Variants in TMEM106B observed in about 807,000 individuals in gnomAD.
TMEM106B encodes the protein transmembrane protein 106B.
TMEM106B carries 15 observed loss-of-function variants against 31.1 expected under a neutral mutation model. That is an observed-to-expected ratio of 0.48 (90% CI 0.32 to 0.74). The LOEUF (loss-of-function observed/expected upper bound fraction) is 0.74, where lower values mean the gene tolerates loss of function less well. Among genes scored for constraint, TMEM106B ranks in the 30% least tolerant of loss-of-function variants. The pLI is 0.03. For synonymous variants in TMEM106B, 126 were observed against 112.5 expected (o/e 1.12, Z -0.76); for missense variants, 283 against 327.3 (o/e 0.86, Z 1.04).
In TMEM106B at chr7:12,237,808, T is replaced by C. The variant is rs1583225721; in HGVS notation, c.*5833T>C. 2 of 85,010 alleles carry C rather than the reference T, an allele frequency of 2.4e-5. No homozygotes were observed. Among genetic ancestry groups the C allele is most frequent in the East Asian group, 3.4e-4 (1 of 2,910 alleles). The allele number at this position is 85,010 out of a possible 1,614,324, so 5.3% of individuals were successfully genotyped here. Reference sequence around the variant, plus strand: ...CAACATGGCGAGACCCCATATAAAATATATACATACACACACACACACACA... The same window carrying C: ...CAACATGGCGAGACCCCATATAAAACATATACATACACACACACACACACA... On this transcript the variant is annotated 3_prime_UTR_variant, in exon 8 of 8. Coordinates refer to ENST00000396668, the MANE Select transcript of TMEM106B (RefSeq NM_001134232.2).
At chr7:12,229,949 G>A in intron 5 of TMEM106B, 130 bp downstream of exon 5, 3 of 1,036,380 alleles carry the variant, frequency 2.9e-6, no homozygotes, top group South Asian at 1.7e-5. Context: ...GGGTACAGTG[G>A]CTCATGCCTG....
At chr7:12,222,567 A>C (rs1781808523) in intron 3 of TMEM106B, among the ~76,000 whole-genome samples, 1 of 152,234 alleles carries the variant, frequency 6.6e-6, no homozygotes, top group Non-Finnish European at 1.5e-5. Context: ...TTCAGATTTT[A>C]TTATGATGAT....
chr7:12,222,006 CTTTA>C (rs1360722351), intron 3 of TMEM106B, among the ~76,000 whole-genome samples: 4 of 152,046 alleles, frequency 2.6e-5, no homozygotes, highest in African/African-American at 9.7e-5. Flanking sequence ...AACTTTGGGT[CTTTA>C]TTTCTTTACA....
Position 12,233,205 on chromosome 7 carries a change from T to C in TMEM106B, c.*1230T>C, listed in dbSNP as rs773437170. ...TATAGATTATTGACTTATTCAACTT[T>C]GCTGTTTTATATTTTCAGTATCATT... On this transcript the variant is annotated 3_prime_UTR_variant, in exon 8 of 8. Coordinates refer to ENST00000396668, the MANE Select transcript of TMEM106B (RefSeq NM_001134232.2). 1 of 151,064 alleles carries C rather than the reference T, an allele frequency of 6.6e-6. No homozygotes were observed. The highest frequency in any genetic ancestry group is 2.4e-5 in the African/African-American group (1 of 41,182). 9.4% of individuals were successfully genotyped at this position (151,064 alleles called of 1,614,324 possible). A position where few individuals can be genotyped will look rare whatever the true frequency, so the allele number is the denominator to read the frequency against.
In TMEM106B at chr7:12,242,351, G is replaced by A. The variant is rs1782249045; in HGVS notation, c.*10376G>A. 3.3e-5 allele frequency: 1 copy of A among 30,596 alleles called. No homozygotes were observed. The highest frequency in any genetic ancestry group is 4.7e-5 in the Non-Finnish European group (1 of 21,102). The allele number at this position is 30,596 out of a possible 1,614,324, so 1.9% of individuals were successfully genotyped here. On this transcript the variant is annotated 3_prime_UTR_variant, in exon 8 of 8. Transcript: ENST00000396668. ...TTGCGCCACTGCAGTCCGCAGTCCGGCCTGGGCGACAGAGCGAGACTCCGT... is the reference window on the plus strand; with the variant it reads ...TTGCGCCACTGCAGTCCGCAGTCCGACCTGGGCGACAGAGCGAGACTCCGT...
intron 1 of TMEM106B, among the ~76,000 whole-genome samples, chr7:12,212,197 AG>A (rs1344462880): frequency 3.3e-5 from 5 of 152,154 alleles, no homozygotes. Flanking sequence ...GAGCCACTTG[AG>A]TCTGCCTTTC....
In TMEM106B at chr7:12,231,883, C is replaced by T; in HGVS notation, c.733C>T (p.Gln245Ter). 2 of 1,611,730 alleles carry T rather than the reference C, an allele frequency of 1.2e-6. No individual in the cohort carries two copies. The highest frequency in any genetic ancestry group is 1.7e-6 in the Non-Finnish European group (2 of 1,178,386). ...CTTTGGCCACTCTGAACAGATATCCCAGGAGAGGTATCAGTATGTCGACTG... is the reference window on the plus strand; with the variant it reads ...CTTTGGCCACTCTGAACAGATATCCTAGGAGAGGTATCAGTATGTCGACTG... ...TYFGHSEQIS[Q>*]ERYQYVDCGR... is the part of the protein sequence containing the mutation. The change falls in exon 8 of 8, where the codon CAG becomes TAG. Residue 245 changes from glutamine to a stop codon, truncating the protein, a stop_gained. Transcript: ENST00000396668. LOFTEE classifies it high-confidence loss of function.
chr7:12,242,832 T>C lies in TMEM106B; in HGVS notation c.*10857T>C, dbSNP rs1189873242. The C allele has an allele frequency of 1.3e-5, 2 of 152,148 alleles. No individual in the cohort carries two copies. Among genetic ancestry groups the C allele is most frequent in the Admixed American group, 6.6e-5 (1 of 15,266 alleles). The allele number at this position is 152,148 out of a possible 1,614,324, so 9.4% of individuals were successfully genotyped here. On this transcript the variant is annotated 3_prime_UTR_variant, in exon 8 of 8. Coordinates refer to ENST00000396668, the MANE Select transcript of TMEM106B (RefSeq NM_001134232.2). Reference sequence around the variant, plus strand: ...GAATATTTTCAATACTTATGAACCATAGAATTCTGTATTCTTTTCATAACT... The same window carrying C: ...GAATATTTTCAATACTTATGAACCACAGAATTCTGTATTCTTTTCATAACT...
Position 12,237,331 on chromosome 7 carries a change from C to T in TMEM106B, c.*5356C>T, listed in dbSNP as rs146288585. 4.0e-5 allele frequency: 6 copies of T among 151,144 alleles called. No homozygotes were observed. In the East Asian group the frequency reaches 7.9e-4, roughly 20 times the overall value. The allele number at this position is 151,144 out of a possible 1,614,324, so 9.4% of individuals were successfully genotyped here. A position where few individuals can be genotyped will look rare whatever the true frequency, so the allele number is the denominator to read the frequency against. On this transcript the variant is annotated 3_prime_UTR_variant, in exon 8 of 8. Coordinates refer to ENST00000396668, the MANE Select transcript of TMEM106B (RefSeq NM_001134232.2). ...AGTGTAGATATTCAAAATCTTTTAC[C>T]TTTAATCCTTTTCATCCTTATAGTC...
rs1436825929 is a variant in TMEM106B at position 12,211,816 on chromosome 7, C to A, written c.-3+391C>A. On this transcript the variant is annotated intron_variant, in intron 1 of 7. Coordinates refer to ENST00000396668, the MANE Select transcript of TMEM106B (RefSeq NM_001134232.2). Reference sequence around the variant, plus strand: ...GGCGCTTGTTTCCTTAGTTCTCAAGCCCTTTTAGAACTAAAACCAGTGTCT... The same window carrying A: ...GGCGCTTGTTTCCTTAGTTCTCAAGACCTTTTAGAACTAAAACCAGTGTCT... Among the ~76,000 whole-genome samples, 4 of 152,156 alleles carry A rather than the reference C, an allele frequency of 2.6e-5. No individual in the cohort carries two copies. The East Asian group carries it at 7.7e-4, about 29-fold the overall frequency.
At chr7:12,215,087 A>G (rs777061559) in intron 2 of TMEM106B, 60 bp downstream of exon 2, 145 of 1,479,132 alleles carry the variant, frequency 9.8e-5, no homozygotes, top group Non-Finnish European at 1.2e-4. Context: ...CAAGTATTAT[A>G]AAAACTGTGG....
At position 12,231,861 on chromosome 7, in the gene TMEM106B, T is replaced by A. The variant is rs780617800; in HGVS notation, c.711T>A (p.Phe237Leu). Residue 237 changes from phenylalanine to leucine, a missense_variant, in exon 8 of 8, where the codon TTT becomes TTA. This residue lies in a region of TMEM106B where 201 missense variants were observed against 211.5 expected (regional missense o/e 0.95). Coordinates refer to ENST00000396668, the MANE Select transcript of TMEM106B (RefSeq NM_001134232.2). ...MMQVTVTTTY[F>L]GHSEQISQER... ...GAGTTACTGTGACAACAACATACTT[T>A]GGCCACTCTGAACAGATATCCCAGG... is the stretch of plus-strand genomic sequence containing the variant. 3 of 1,602,686 alleles carry A rather than the reference T, an allele frequency of 1.9e-6. No individual in the cohort carries two copies. The highest frequency in any genetic ancestry group is 2.2e-5 in the South Asian group (2 of 89,578).
rs748555916 is a variant in TMEM106B, at chr7:12,214,901, G to C, written c.91G>C (p.Val31Leu). The C allele has an allele frequency of 3.7e-6, 6 of 1,613,828 alleles. No homozygotes were observed. In the African/African-American group the frequency reaches 8.0e-5, roughly 22 times the overall value. Residue 31 changes from valine (V) to leucine (L), a missense_variant, in exon 2 of 8, where the codon GTT (valine) becomes CTT (leucine). Coordinates refer to ENST00000396668, the MANE Select transcript of TMEM106B (RefSeq NM_001134232.2). ...VTSENMRNGL[V>L]NSEVHNEDGR... is the part of the protein sequence containing the mutation. Reference sequence around the variant, plus strand: ...ATCTGAAAACATGAGGAATGGACTGGTTAATAGTGAAGTCCATAATGAAGA... The same window carrying C: ...ATCTGAAAACATGAGGAATGGACTGCTTAATAGTGAAGTCCATAATGAAGA...
At chr7:12,223,301 T>G (rs1245925339) in intron 3 of TMEM106B, among the ~76,000 whole-genome samples, 1 of 152,054 alleles carries the variant, frequency 6.6e-6, no homozygotes, top group Non-Finnish European at 1.5e-5. Flanking sequence ...AAAAAAAGAC[T>G]AATTATAGTA....
chr7:12,219,750 G>A (rs1172755860), intron 3 of TMEM106B, among the ~76,000 whole-genome samples: 1 of 152,120 alleles, frequency 6.6e-6, no homozygotes, highest in Non-Finnish European at 1.5e-5. Flanking sequence ...TACAGTCAGG[G>A]AAATAGAACA....
rs1190413832 is a variant in TMEM106B at position 12,234,544 on chromosome 7, G to C, written c.*2569G>C. ...TAGCCATAAAACATCTAGAAAGAGT[G>C]AATGAGGCTTTTAGCTTTTCTTAGG... On this transcript the variant is annotated 3_prime_UTR_variant, in exon 8 of 8. Coordinates refer to ENST00000396668, the MANE Select transcript of TMEM106B (RefSeq NM_001134232.2). 1 of 151,814 alleles carries C rather than the reference G, an allele frequency of 6.6e-6. No individual in the cohort carries two copies. The highest frequency in any genetic ancestry group is 1.5e-5 in the Non-Finnish European group (1 of 67,768). The allele number at this position is 151,814 out of a possible 1,614,324, so 9.4% of individuals were successfully genotyped here. A position where few individuals can be genotyped will look rare whatever the true frequency, so the allele number is the denominator to read the frequency against.
At chr7:12,211,897 C>T (rs1315683457) in intron 1 of TMEM106B, among the ~76,000 whole-genome samples, 1 of 152,156 alleles carries the variant, frequency 6.6e-6, no homozygotes, top group Non-Finnish European at 1.5e-5. Context: ...TTTTTCTCTC[C>T]AAACTGAGTC....
In TMEM106B at chr7:12,239,101, A is replaced by G. The variant is rs1201043325; in HGVS notation, c.*7126A>G. ...TTGTTCATTGTAACCACTTTCATCA[A>G]TGATCTTAGCTAGATATTCTGGGTA... On this transcript the variant is annotated 3_prime_UTR_variant, in exon 8 of 8. Transcript: ENST00000396668. The G allele has an allele frequency of 2.0e-5, 3 of 152,162 alleles. No individual in the cohort carries two copies. Among genetic ancestry groups the G allele is most frequent in the Admixed American group, 2.0e-4 (3 of 15,268 alleles). 9.4% of individuals were successfully genotyped at this position (152,162 alleles called of 1,614,324 possible).
chr7:12,228,475 T>A (rs1364851620), intron 4 of TMEM106B, among the ~76,000 whole-genome samples: 2 of 151,914 alleles, frequency 1.3e-5, no homozygotes, highest in Non-Finnish European at 2.9e-5. Context: ...TTCTTTTTGA[T>A]GGCTTCATAA....
Sources: gnomAD v4.1 joint callset for allele counts (sites outside exome capture counted in the v4.1 genomes callset) on GRCh38, gnomAD v4.1.1 for gene constraint, gnomAD v4.1.1 regional missense constraint, MANE v1.5 for transcripts, NCBI Gene and HGNC (gene_info 2026-07-23, HGNC 2026-07-21) for gene names.